The following VAV2 variants were observed in gnomAD, a reference collection of about 807,000 sequenced individuals.
The protein encoded by VAV2 is vav guanine nucleotide exchange factor 2, also known as guanine nucleotide exchange factor VAV2.
Under a neutral mutation model 132.5 loss-of-function variants are expected in VAV2, and 67 were observed. The ratio of observed to expected loss-of-function variants is 0.51; its 90% CI spans 0.42 to 0.62. VAV2 has a LOEUF of 0.62. VAV2 is among the 20% of genes least tolerant of loss of function. The probability of loss-of-function intolerance (pLI) is 0.00; values close to 1 mark genes in which losing one functional copy is unlikely to be tolerated. For synonymous variants in VAV2, 492 were observed against 443.5 expected, an observed-to-expected ratio of 1.11 and a Z score of -1.37; for missense variants, 938 against 1,153.6, an observed-to-expected ratio of 0.81 and a Z score of 2.71.
At chr9:133,973,544 A>C (rs1459527452) in intron 1 of VAV2, among the ~76,000 whole-genome samples, 1 of 152,190 alleles carries the variant, frequency 6.6e-6, no homozygotes, top group African/African-American at 2.4e-5. Flanking sequence ...ACTCCCAGAG[A>C]GGAAGGAGAC....
chr9:133,975,216 C>T (rs1010109933), intron 1 of VAV2, among the ~76,000 whole-genome samples: 6 of 152,106 alleles, frequency 3.9e-5, no homozygotes, highest in Admixed American at 2.6e-4. Flanking sequence ...GCACCCCCGC[C>T]ATGTCCATGG....
chr9:133,901,896 G>C (rs1839457774), intron 2 of VAV2, among the ~76,000 whole-genome samples: 1 of 152,208 alleles, frequency 6.6e-6, no homozygotes, highest in African/African-American at 2.4e-5. Flanking sequence ...GGGGTGGGGA[G>C]GACAGCTGCG....
At position 133,794,592 on chromosome 9, in the gene VAV2, G is replaced by C. The variant is rs1201284353; in HGVS notation, c.1101+1076C>G. ...TGAGGTACCTGGGAAAGGAAAAGGG[G>C]GCCCAAAGCCCAGGGGGGCTGCCCA... On this transcript the variant is annotated intron_variant, in intron 12 of 29. Transcript: ENST00000371850. This position sits in a 1 kb window ranked among gnomAD's most constrained non-coding sequence, Gnocchi z 4.6. Among the ~76,000 whole-genome samples the C allele has an allele frequency of 1.3e-5, 2 of 152,200 alleles. No homozygotes were observed. Among genetic ancestry groups the C allele is most frequent in the Non-Finnish European group, 2.9e-5 (2 of 68,038 alleles).
chr9:133,805,548 C>A (rs981563828), intron 9 of VAV2, among the ~76,000 whole-genome samples: 1 of 151,966 alleles, frequency 6.6e-6, no homozygotes, highest in African/African-American at 2.4e-5. Flanking sequence ...CCCCCAGAAA[C>A]GCCGCCTCCC....
At chr9:133,951,801 G>A (rs939025861) in intron 1 of VAV2, among the ~76,000 whole-genome samples, 2 of 152,182 alleles carry the variant, frequency 1.3e-5, no homozygotes, top group Non-Finnish European at 2.9e-5. Context: ...GATGGGCAGA[G>A]TGAGGCTTCA....
chr9:133,809,079 G>T lies in VAV2; in HGVS notation c.627C>A (p.Thr209=). ...RNCCLLEIQE[T]EAKYYRTLED... ...CCAGGGTGCGGTAGTACTTGGCCTCGGTCTCCTGGATCTCCAGCAGGCAGC... is the reference window on the plus strand; with the variant it reads ...CCAGGGTGCGGTAGTACTTGGCCTCTGTCTCCTGGATCTCCAGCAGGCAGC... The change falls in exon 7 of 30, where the codon ACC becomes ACA. Residue 209 remains threonine, a synonymous_variant. Coordinates refer to ENST00000371850, the MANE Select transcript of VAV2 (RefSeq NM_001134398.2). The T allele has an allele frequency of 6.2e-7, 1 of 1,613,932 alleles. No individual in the cohort carries two copies. Among genetic ancestry groups the T allele is most frequent in the Non-Finnish European group, 8.5e-7 (1 of 1,179,914 alleles).
chr9:133,869,691 T>C (rs1837951742), intron 2 of VAV2, among the ~76,000 whole-genome samples: 1 of 152,214 alleles, frequency 6.6e-6, no homozygotes, highest in South Asian at 2.1e-4. Flanking sequence ...CGACCCAGCC[T>C]GCTCTCAGAG....
intron 19 of VAV2, among the ~76,000 whole-genome samples, chr9:133,781,202 C>A (rs1296141999): frequency 6.6e-6 from 1 of 152,226 alleles, no homozygotes; most frequent in Non-Finnish European, 1.5e-5. Context: ...ATGCTACCTG[C>A]TTGCCATCCT....
chr9:133,771,149 C>T lies in VAV2; in HGVS notation c.2224-648G>A, dbSNP rs576618958. On this transcript the variant is annotated intron_variant, in intron 26 of 29. Coordinates refer to ENST00000371850, the MANE Select transcript of VAV2 (RefSeq NM_001134398.2). Reference sequence around the variant, plus strand: ...CGCAATCTCGGCTCACTGCAATCTCCGCCTCCTGGGTACAAACAATTCTCG... The same window carrying T: ...CGCAATCTCGGCTCACTGCAATCTCTGCCTCCTGGGTACAAACAATTCTCG... Among the ~76,000 whole-genome samples the T allele has an allele frequency of 1.1e-4, 17 of 151,304 alleles. No individual in the cohort carries two copies. The South Asian group carries it at 2.5e-3, about 22-fold the overall frequency.
rs1833341498 is a variant in VAV2, at chr9:133,763,758, TG to T, written c.*303del. On this transcript the variant is annotated 3_prime_UTR_variant, in exon 30 of 30. Transcript: ENST00000371850. This position sits in a 1 kb window ranked among gnomAD's most constrained non-coding sequence, Gnocchi z 6.8. ...TGGACAGGGGCAGGCGATGGGCCTC[TG>T]GCCTCAGCCACTACCCAGAGCCTGG... is the stretch of plus-strand genomic sequence containing the variant. 1 of 428,446 alleles carries T rather than the reference TG, an allele frequency of 2.3e-6. No individual in the cohort carries two copies. Among genetic ancestry groups the T allele is most frequent in the African/African-American group, 2.0e-5 (1 of 49,752 alleles). The allele number at this position is 428,446 out of a possible 1,614,324, so 26.5% of individuals were successfully genotyped here. A position where few individuals can be genotyped will look rare whatever the true frequency, so the allele number is the denominator to read the frequency against.
intron 3 of VAV2, among the ~76,000 whole-genome samples, chr9:133,855,861 G>A (rs116993683): frequency 0.011 from 1,670 of 152,288 alleles, 15 homozygotes; most frequent in Non-Finnish European, 0.017. Context: ...CCTTGCAGCC[G>A]TCACAGCAAT....
intron 2 of VAV2, among the ~76,000 whole-genome samples, chr9:133,874,015 C>G (rs1445794445): frequency 6.6e-6 from 1 of 152,136 alleles, no homozygotes; most frequent in Admixed American, 6.5e-5. Flanking sequence ...CAAAACCCCC[C>G]ACGAGATGGT....
rs182669885 is a variant in VAV2 at position 133,904,206 on chromosome 9, C to T, written c.321+34897G>A. Among the ~76,000 whole-genome samples the T allele has an allele frequency of 4.5e-4, 69 of 152,294 alleles. No homozygotes were observed. In the East Asian group the frequency reaches 4.6e-3, roughly 10 times the overall value. On this transcript the variant is annotated intron_variant, in intron 2 of 29. Coordinates refer to ENST00000371850, the MANE Select transcript of VAV2 (RefSeq NM_001134398.2). ...AGCGCCAGGCTCTCCCCCAGAGCTC[C>T]GCATTCTAAAGGGAACCACTCTGCC... is the stretch of plus-strand genomic sequence containing the variant.
At chr9:133,795,519 ACTGCC>A (rs756032271) in intron 12 of VAV2, 144 bp downstream of exon 12, 96 of 961,550 alleles carry the variant, frequency 1.0e-4, no homozygotes, top group Non-Finnish European at 1.3e-4. Flanking sequence ...GGTCTCACCC[ACTGCC>A]CTGCCCTGCC....
At chr9:133,850,083 C>T (rs932760131) in intron 3 of VAV2, among the ~76,000 whole-genome samples, 9 of 152,224 alleles carry the variant, frequency 5.9e-5, no homozygotes, top group Admixed American at 3.3e-4. Context: ...CCACCTCTTG[C>T]GGCTGTGCCT....
At position 133,794,444 on chromosome 9, in the gene VAV2, C is replaced by G. The variant is rs942800524; in HGVS notation, c.1101+1224G>C. Reference sequence around the variant, plus strand: ...AGTAAATTTCTCCCCGAGCACAAGCCCTGCTCAGAGAACCTCTTAGCACCG... The same window carrying G: ...AGTAAATTTCTCCCCGAGCACAAGCGCTGCTCAGAGAACCTCTTAGCACCG... On this transcript the variant is annotated intron_variant, in intron 12 of 29. Coordinates refer to ENST00000371850, the MANE Select transcript of VAV2 (RefSeq NM_001134398.2). This position sits in a 1 kb window ranked among gnomAD's most constrained non-coding sequence, Gnocchi z 4.6. Among the ~76,000 whole-genome samples, 3 of 152,214 alleles carry G rather than the reference C, an allele frequency of 2.0e-5. No homozygotes were observed. Among genetic ancestry groups the G allele is most frequent in the Non-Finnish European group, 4.4e-5 (3 of 68,042 alleles).
At chr9:133,766,014 T>C (rs1245054830) in intron 29 of VAV2, among the ~76,000 whole-genome samples, 1 of 152,106 alleles carries the variant, frequency 6.6e-6, no homozygotes, top group African/African-American at 2.4e-5. Flanking sequence ...TGGTTTTAGA[T>C]TCAAAAGAAA....
chr9:133,889,938 C>T (rs1052276274), intron 2 of VAV2, among the ~76,000 whole-genome samples: 6 of 152,184 alleles, frequency 3.9e-5, no homozygotes, highest in South Asian at 4.1e-4. Context: ...TACATGACCC[C>T]GCAGGGCCAC....
At chr9:133,820,168 A>G (rs1835728475) in intron 4 of VAV2, among the ~76,000 whole-genome samples, 2 of 152,156 alleles carry the variant, frequency 1.3e-5, no homozygotes, top group South Asian at 4.1e-4. Context: ...CCAGGTACGG[A>G]ACAGATCCTA....
Sources: gnomAD v4.1 joint callset for allele counts (sites outside exome capture counted in the v4.1 genomes callset) on GRCh38, gnomAD v4.1.1 for gene constraint, Gnocchi (gnomAD v3.1) non-coding constraint, MANE v1.5 for transcripts, NCBI Gene and HGNC (gene_info 2026-07-23, HGNC 2026-07-21) for gene names.